Variants in BMERB1 observed in about 807,000 individuals in gnomAD.
The protein encoded by BMERB1 is bMERB domain containing 1.
A neutral mutation model predicts 23.6 loss-of-function variants in BMERB1; 12 were observed. The ratio of observed to expected loss-of-function variants is 0.51; its 90% confidence interval spans 0.33 to 0.82. The LOEUF (loss-of-function observed/expected upper bound fraction) is 0.82. Among genes scored for constraint, BMERB1 ranks in the 40% least tolerant of loss-of-function variants. The pLI is 0.03. For synonymous variants in BMERB1, 122 were observed against 96.6 expected (o/e 1.26, Z -1.54); for missense variants, 247 against 255.4 (o/e 0.97, Z 0.22).
intron 1 of BMERB1, among the ~76,000 whole-genome samples, chr16:15,508,488 G>A (rs984766353): frequency 5.3e-5 from 8 of 152,116 alleles, no homozygotes; most frequent in African/African-American, 1.9e-4. Context: ...ATGGGGCTGC[G>A]CTTGGTCCCC....
intron 2 of BMERB1, among the ~76,000 whole-genome samples, chr16:15,520,234 A>T (rs1286164104): frequency 6.6e-6 from 1 of 152,154 alleles, no homozygotes; most frequent in African/African-American, 2.4e-5. Flanking sequence ...GTGGGGGCAG[A>T]GCCCTTAACC....
chr16:15,557,238 CA>C (rs781293845), intron 2 of BMERB1, among the ~76,000 whole-genome samples: 6 of 152,182 alleles, frequency 3.9e-5, no homozygotes, highest in African/African-American at 9.7e-5. Flanking sequence ...TCCTTCCGAA[CA>C]TTAATCAGGT....
chr16:15,441,953 AGTG>A lies in BMERB1; in HGVS notation c.106+7199_106+7201del, dbSNP rs557651151. 1.8e-4 allele frequency among the ~76,000 whole-genome samples: 27 copies of A among 152,298 alleles called. No individual in the cohort carries two copies. In the South Asian group the frequency reaches 4.3e-3, roughly 25 times the overall value. On this transcript the variant is annotated intron_variant, in intron 1 of 5. Transcript: ENST00000300006. ...TTCCTAATCAATTTTATTTTGGAGA[AGTG>A]GTGGCAGTTTCCTTGAGTGTGAAAG...
chr16:15,447,668 G>A (rs1244340682), intron 1 of BMERB1, among the ~76,000 whole-genome samples: 2 of 152,164 alleles, frequency 1.3e-5, no homozygotes, highest in Non-Finnish European at 2.9e-5. Flanking sequence ...TGGAGAGAAG[G>A]AAGAGAGAGA....
intron 1 of BMERB1, chr16:15,502,116 T>A (rs950265448): frequency 1.6e-6 from 1 of 639,774 alleles, no homozygotes; most frequent in Non-Finnish European, 2.8e-6. Context: ...GACCATCTAC[T>A]CATGTCTGCT....
At chr16:15,580,849 C>G (rs556566098) in intron 3 of BMERB1, among the ~76,000 whole-genome samples, 68 of 151,574 alleles carry the variant, frequency 4.5e-4, no homozygotes, top group Middle Eastern at 3.4e-3. Flanking sequence ...CCGGCCAGCT[C>G]AAGTGCTTTT....
At chr16:15,584,057 C>T (rs1184859420) in intron 5 of BMERB1, 2 of 702,216 alleles carry the variant, frequency 2.8e-6, no homozygotes, top group South Asian at 3.0e-5. Flanking sequence ...ATATTAACCT[C>T]ATCAGATCCT....
At chr16:15,552,476 C>G (rs997472840) in intron 2 of BMERB1, among the ~76,000 whole-genome samples, 6 of 152,072 alleles carry the variant, frequency 3.9e-5, no homozygotes, top group African/African-American at 1.4e-4. Flanking sequence ...GAAATGAACT[C>G]ACAACACTTA....
intron 2 of BMERB1, chr16:15,533,134 A>G: frequency 2.7e-6 from 1 of 364,336 alleles, no homozygotes; most frequent in Non-Finnish European, 5.4e-6. Flanking sequence ...GCCTGCTACC[A>G]CGTAAGTGCT....
chr16:15,497,415 A>T (rs536574959), intron 1 of BMERB1, among the ~76,000 whole-genome samples: 83 of 152,324 alleles, frequency 5.4e-4, no homozygotes, highest in African/African-American at 1.9e-3. Context: ...GAGGCAAGGA[A>T]TTCCCTCCTG....
At chr16:15,549,185 A>C (rs2030008522) in intron 2 of BMERB1, among the ~76,000 whole-genome samples, 1 of 151,900 alleles carries the variant, frequency 6.6e-6, no homozygotes, top group African/African-American at 2.4e-5. Context: ...CTAAAAATAC[A>C]AAAATTAGCT....
At position 15,515,159 on chromosome 16, in the gene BMERB1, G is replaced by A. The variant is rs775569732; in HGVS notation, c.107-146G>A. ...TCTGGTTCCCAAAGGGTGTGCTCAC[G>A]AATACACATTTGTGGCACAGGCTGA... is the stretch of plus-strand genomic sequence containing the variant. On this transcript the variant is annotated intron_variant, in intron 1 of 5. Transcript: ENST00000300006. 392 of 1,041,780 alleles carry A rather than the reference G, an allele frequency of 3.8e-4. 3 individuals carry two copies. Among genetic ancestry groups the A allele is most frequent in the Admixed American group, 7.3e-4 (29 of 39,586 alleles). The allele number at this position is 1,041,780 out of a possible 1,614,324, so 64.5% of individuals were successfully genotyped here.
At chr16:15,573,044 C>T (rs1441290173) in intron 3 of BMERB1, among the ~76,000 whole-genome samples, 1 of 152,172 alleles carries the variant, frequency 6.6e-6, no homozygotes, top group Non-Finnish European at 1.5e-5. Flanking sequence ...TTATAAATTA[C>T]CCAGTTGCGG....
intron 1 of BMERB1, among the ~76,000 whole-genome samples, chr16:15,498,234 A>G (rs1372080476): frequency 6.6e-6 from 1 of 151,922 alleles, no homozygotes; most frequent in Non-Finnish European, 1.5e-5. Context: ...CTGGGAGCAC[A>G]ATAAAAAAAC....
At chr16:15,560,683 C>G (rs1308283201) in intron 2 of BMERB1, among the ~76,000 whole-genome samples, 3 of 151,964 alleles carry the variant, frequency 2.0e-5, no homozygotes, top group Admixed American at 1.3e-4. Flanking sequence ...GTCCCAGCTA[C>G]TCTGGAGGCT....
intron 2 of BMERB1, among the ~76,000 whole-genome samples, chr16:15,526,857 G>A (rs1406521667): frequency 6.7e-6 from 1 of 149,782 alleles, no homozygotes; most frequent in Non-Finnish European, 1.5e-5. Flanking sequence ...TAAGTAGGAT[G>A]TTGGGAAAAT....
chr16:15,553,962 G>T (rs2030169135), intron 2 of BMERB1, among the ~76,000 whole-genome samples: 1 of 152,130 alleles, frequency 6.6e-6, no homozygotes, highest in Admixed American at 6.6e-5. Flanking sequence ...CCATGTTAAG[G>T]TTCTTTACAA....
At chr16:15,465,534 G>A (rs529370196) in intron 1 of BMERB1, among the ~76,000 whole-genome samples, 117 of 151,874 alleles carry the variant, frequency 7.7e-4, no homozygotes, top group Non-Finnish European at 1.4e-3. Context: ...TGTATTTTTA[G>A]TAGAGACAGG....
Position 15,476,628 on chromosome 16 carries a change from C to T in BMERB1, c.107-38677C>T, listed in dbSNP as rs550078735. 9.1e-4 allele frequency among the ~76,000 whole-genome samples: 139 copies of T among 152,324 alleles called. 1 individual carries two copies. Among genetic ancestry groups the T allele is most frequent in the Admixed American group, 1.5e-3 (23 of 15,302 alleles). ...ATTGGGATGGAGACTCCGGCTCTGCCGGGCTCTGCCAACACCAGGGTGAGA... is the reference window on the plus strand; with the variant it reads ...ATTGGGATGGAGACTCCGGCTCTGCTGGGCTCTGCCAACACCAGGGTGAGA... On this transcript the variant is annotated intron_variant, in intron 1 of 5. Transcript: ENST00000300006.
Sources: allele counts gnomAD v4.1 joint callset (sites outside exome capture counted in the v4.1 genomes callset), GRCh38; gene constraint gnomAD v4.1.1; transcripts MANE v1.5; gene names NCBI Gene and HGNC (gene_info 2026-07-23, HGNC 2026-07-21).